The following GABRB1 variants were observed in gnomAD, a reference collection of about 807,000 sequenced individuals.
The protein encoded by GABRB1 is gamma-aminobutyric acid type A receptor subunit beta1, also known as gamma-aminobutyric acid receptor subunit beta-1.
In GABRB1, 17 loss-of-function variants were observed where a neutral mutation model predicts 51.6. The observed-to-expected ratio is 0.33, with a 90% CI of 0.23 to 0.49. GABRB1 has a LOEUF of 0.49. GABRB1 is among the 20% of genes least tolerant of loss of function. The probability of loss-of-function intolerance (pLI) is 0.99; values close to 1 mark genes in which losing one functional copy is unlikely to be tolerated. For synonymous variants in GABRB1, 247 were observed against 218.9 expected (o/e 1.13, Z -1.14); for missense variants, 410 against 600.6 (o/e 0.68, Z 3.32).
At position 47,280,061 on chromosome 4, in the gene GABRB1, T is replaced by G. The variant is rs73133929; in HGVS notation, c.462-40066T>G. Among the ~76,000 whole-genome samples the G allele has an allele frequency of 7.8e-3, 1,183 of 151,920 alleles. 14 individuals carry two copies. The highest frequency in any genetic ancestry group is 0.027 in the African/African-American group (1,119 of 41,520). On this transcript the variant is annotated intron_variant, in intron 4 of 8. Coordinates refer to ENST00000295454, the MANE Select transcript of GABRB1 (RefSeq NM_000812.4). ...TTGTTTCTGGTTAATTTGTAGATTC[T>G]TTATTGTTGCTTTTTTTTCTTTCTT... is the stretch of plus-strand genomic sequence containing the variant.
At chr4:47,251,981 C>T (rs1355241252) in intron 4 of GABRB1, among the ~76,000 whole-genome samples, 2 of 152,146 alleles carry the variant, frequency 1.3e-5, no homozygotes, top group African/African-American at 4.8e-5. Context: ...GCTGGATTCA[C>T]GCCCTCCCTT....
intron 5 of GABRB1, among the ~76,000 whole-genome samples, chr4:47,353,461 T>C (rs1226033473): frequency 6.6e-6 from 1 of 152,218 alleles, no homozygotes; most frequent in East Asian, 1.9e-4. Context: ...ATAAATGCTT[T>C]TGCAAATCTT....
chr4:47,174,881 CTTCCTTCT>C (rs1718597994), intron 4 of GABRB1, among the ~76,000 whole-genome samples: 1 of 144,788 alleles, frequency 6.9e-6, no homozygotes, highest in Non-Finnish European at 1.5e-5. Flanking sequence ...CCCTCCCTCC[CTTCCTTCT>C]TTCCTTCCTT....
At chr4:47,243,635 T>A (rs1272125633) in intron 4 of GABRB1, among the ~76,000 whole-genome samples, 2 of 152,228 alleles carry the variant, frequency 1.3e-5, no homozygotes, top group Admixed American at 6.5e-5. Flanking sequence ...AGGTATTTTA[T>A]TCTCTTTGAA....
intron 3 of GABRB1, among the ~76,000 whole-genome samples, chr4:47,123,087 G>C (rs1715852288): frequency 6.6e-6 from 1 of 151,706 alleles, no homozygotes; most frequent in Non-Finnish European, 1.5e-5. Context: ...ATTTTCTCTT[G>C]AATTATTCCA....
intron 5 of GABRB1, among the ~76,000 whole-genome samples, chr4:47,353,984 TAATGATC>T (rs1671486963): frequency 6.6e-6 from 1 of 152,048 alleles, no homozygotes. Context: ...TATTGATGAC[TAATGATC>T]AATCAGCATC....
chr4:47,373,335 C>G (rs1408705932), intron 5 of GABRB1, among the ~76,000 whole-genome samples: 1 of 152,130 alleles, frequency 6.6e-6, no homozygotes, highest in Non-Finnish European at 1.5e-5. Context: ...TAAGTACACT[C>G]AGGAAAAGAT....
intron 3 of GABRB1, among the ~76,000 whole-genome samples, chr4:47,097,599 A>G (rs775241666): frequency 7.9e-5 from 12 of 152,202 alleles, no homozygotes; most frequent in African/African-American, 1.9e-4. Flanking sequence ...AAGTCCAACC[A>G]GCACATAGAA....
intron 8 of GABRB1, among the ~76,000 whole-genome samples, chr4:47,421,655 A>G (rs930240701): frequency 6.6e-6 from 1 of 152,072 alleles, no homozygotes; most frequent in Non-Finnish European, 1.5e-5. Flanking sequence ...TCAACTCTCA[A>G]TTTTTGTTCT....
chr4:47,150,182 A>AC (rs1184864867), intron 3 of GABRB1, among the ~76,000 whole-genome samples: 3 of 141,510 alleles, frequency 2.1e-5, no homozygotes, highest in African/African-American at 7.9e-5. Context: ...ACACACACAC[A>AC]ACACACACAC....
rs568227485 is a variant in GABRB1, at chr4:47,321,587, T to C, written c.544+1378T>C. ...GATATCAAAAATGACCACATTCAAA[T>C]CATAGGAATGAACTATGTAAACCCA... On this transcript the variant is annotated intron_variant, in intron 5 of 8. Transcript: ENST00000295454. Among the ~76,000 whole-genome samples the C allele has an allele frequency of 8.1e-3, 757 of 93,324 alleles. 6 individuals carry two copies. The highest frequency in any genetic ancestry group is 0.032 in the African/African-American group (723 of 22,564). The allele number at this position is 93,324 out of a possible 152,430, so 61.2% of individuals were successfully genotyped here.
At chr4:47,182,561 G>A (rs1319821518) in intron 4 of GABRB1, among the ~76,000 whole-genome samples, 4 of 151,824 alleles carry the variant, frequency 2.6e-5, no homozygotes, top group Non-Finnish European at 5.9e-5. Context: ...ATTTATTGTG[G>A]AATTTTGTTA....
rs570809894 is a variant in GABRB1, at chr4:47,289,132, C to T, written c.462-30995C>T. On this transcript the variant is annotated intron_variant, in intron 4 of 8. Coordinates refer to ENST00000295454, the MANE Select transcript of GABRB1 (RefSeq NM_000812.4). ...AATTTTTTGACTCTTCCCTGAGGATCCATTATTATCTGTGATGATGTGAAA... is the reference window on the plus strand; with the variant it reads ...AATTTTTTGACTCTTCCCTGAGGATTCATTATTATCTGTGATGATGTGAAA... Among the ~76,000 whole-genome samples the T allele has an allele frequency of 4.6e-5, 7 of 152,006 alleles. No homozygotes were observed. The East Asian group carries it at 1.4e-3, about 29-fold the overall frequency.
chr4:47,287,642 T>G (rs957666637), intron 4 of GABRB1, among the ~76,000 whole-genome samples: 3 of 152,216 alleles, frequency 2.0e-5, no homozygotes, highest in Non-Finnish European at 4.4e-5. Flanking sequence ...TGTAATTCCC[T>G]TCCTTTGAGT....
At chr4:47,013,365 G>C (rs558937747) in intron 1 of GABRB1, among the ~76,000 whole-genome samples, 3 of 152,138 alleles carry the variant, frequency 2.0e-5, no homozygotes, top group Admixed American at 2.0e-4. Context: ...TCACCATGTT[G>C]GCCAGGCTGG....
chr4:47,336,781 CCAGGAGATAATTA>C (rs1254761932), intron 5 of GABRB1, among the ~76,000 whole-genome samples: 1 of 151,968 alleles, frequency 6.6e-6, no homozygotes, highest in Admixed American at 6.6e-5. Context: ...GGAAGCTAGA[CCAGGAGATAATTA>C]CAGTTATGAG....
chr4:47,145,921 C>A (rs1369163541), intron 3 of GABRB1, among the ~76,000 whole-genome samples: 2 of 152,036 alleles, frequency 1.3e-5, no homozygotes, highest in Admixed American at 1.3e-4. Flanking sequence ...GAAAAAAATG[C>A]ATCAGCACAG....
At chr4:47,228,770 C>T (rs893582274) in intron 4 of GABRB1, among the ~76,000 whole-genome samples, 5 of 152,044 alleles carry the variant, frequency 3.3e-5, no homozygotes, top group Admixed American at 2.6e-4. Flanking sequence ...TTGTTTGTAT[C>T]CTCCCGTGGT....
intron 3 of GABRB1, among the ~76,000 whole-genome samples, chr4:47,065,134 G>A (rs984929919): frequency 5.9e-5 from 9 of 152,154 alleles, no homozygotes; most frequent in Non-Finnish European, 1.3e-4. Flanking sequence ...CGTTCCCATG[G>A]TTTTACCTCA....
Sources: allele counts gnomAD v4.1 joint callset (sites outside exome capture counted in the v4.1 genomes callset), GRCh38; gene constraint gnomAD v4.1.1; transcripts MANE v1.5; gene names NCBI Gene and HGNC (gene_info 2026-07-23, HGNC 2026-07-21).